The following ADAMTS20 variants were observed in gnomAD, a reference collection of about 807,000 sequenced individuals.
ADAMTS20 encodes the protein A disintegrin and metalloproteinase with thrombospondin motifs 20.
ADAMTS20 carries 225 observed loss-of-function variants against 260.1 expected under a neutral mutation model. That is an observed-to-expected ratio of 0.87 (90% CI 0.78 to 0.97). The LOEUF is 0.97. Among genes scored for constraint, ADAMTS20 ranks in the 50% least tolerant of loss-of-function variants. The probability of loss-of-function intolerance (pLI) is 0.00; values close to 1 mark genes in which losing one functional copy is unlikely to be tolerated. For synonymous variants in ADAMTS20, 802 were observed against 769.5 expected, an observed-to-expected ratio of 1.04 and a Z score of -0.70; for missense variants, 2,400 against 2,337.7, an observed-to-expected ratio of 1.03 and a Z score of -0.55.
At chr12:43,507,821 C>T (rs7294708) in intron 3 of ADAMTS20, among the ~76,000 whole-genome samples, 3,612 of 152,154 alleles carry the variant, frequency 0.024, 66 homozygotes, top group East Asian at 0.08. Flanking sequence ...TAAAAAGGAA[C>T]GAGGTATCTT....
chr12:43,434,933 T>A (rs148696283), intron 18 of ADAMTS20, among the ~76,000 whole-genome samples: 1 of 152,046 alleles, frequency 6.6e-6, no homozygotes, highest in African/African-American at 2.4e-5. Flanking sequence ...ATTTCCCAGA[T>A]ACAGCTGATC....
At chr12:43,389,692 TTTTTTG>T (rs967607133) in intron 29 of ADAMTS20, among the ~76,000 whole-genome samples, 9 of 151,694 alleles carry the variant, frequency 5.9e-5, no homozygotes, top group African/African-American at 1.5e-4. Flanking sequence ...CAGCCAGGTT[TTTTTTG>T]TTTTTGTTTT....
At chr12:43,490,254 TAA>T (rs754662880) in intron 7 of ADAMTS20, 139 bp downstream of exon 7, 8 of 476,014 alleles carry the variant, frequency 1.7e-5, no homozygotes, top group Admixed American at 4.7e-5. Context: ...CAGAATGAAA[TAA>T]GTGACAAGTG....
intron 4 of ADAMTS20, among the ~76,000 whole-genome samples, chr12:43,494,259 G>A (rs1339399826): frequency 6.6e-6 from 1 of 152,158 alleles, no homozygotes; most frequent in Non-Finnish European, 1.5e-5. Context: ...TCTACTCATT[G>A]CTTTGTTGGC....
intron 19 of ADAMTS20, among the ~76,000 whole-genome samples, chr12:43,433,596 T>C (rs1279560686): frequency 6.6e-6 from 1 of 152,046 alleles, no homozygotes; most frequent in Non-Finnish European, 1.5e-5. Flanking sequence ...GAATGTTAAA[T>C]GGCACCTGCT....
rs7303394 is a variant in ADAMTS20, at chr12:43,374,820, T to C, written c.5446+559A>G. Reference sequence around the variant, plus strand: ...CTTAATGTACCTGAGGATTTTAAGGTAGAGGGTTTTATCTTGGAAGGGCAG... The same window carrying C: ...CTTAATGTACCTGAGGATTTTAAGGCAGAGGGTTTTATCTTGGAAGGGCAG... On this transcript the variant is annotated intron_variant, in intron 36 of 38. Coordinates refer to ENST00000389420, the MANE Select transcript of ADAMTS20 (RefSeq NM_025003.5). Among the ~76,000 whole-genome samples, 434 of 152,208 alleles carry C rather than the reference T, an allele frequency of 2.9e-3. 4 individuals are homozygous for C. The highest frequency in any genetic ancestry group is 0.01 in the African/African-American group (423 of 41,540).
In ADAMTS20 at chr12:43,376,130, ACATGTCTG is replaced by A. The variant is rs770689269; in HGVS notation, c.5231_5238del (p.Ala1744ValfsTer6). 1.9e-6 allele frequency: 3 copies of A among 1,604,416 alleles called. No homozygotes were observed. The highest frequency in any genetic ancestry group is 2.6e-6 in the Non-Finnish European group (3 of 1,176,294). On this transcript the variant is annotated frameshift_variant, in exon 35 of 39. Transcript: ENST00000389420. LOFTEE classifies it high-confidence loss of function. ...AAATATTCCTTAGGGTTCTCCAAGTACATGTCTGCACAATAAATCTAAAGAAAAAATGT... is the reference window on the plus strand; with the variant it reads ...AAATATTCCTTAGGGTTCTCCAAGTACACAATAAATCTAAAGAAAAAATGT...
intron 2 of ADAMTS20, among the ~76,000 whole-genome samples, chr12:43,547,112 G>A (rs541771623): frequency 4.5e-4 from 68 of 152,290 alleles, no homozygotes; most frequent in Non-Finnish European, 5.7e-4. Context: ...CATGTTTGGG[G>A]TTAATTCAAA....
At chr12:43,367,710 A>C (rs1482839482) in intron 37 of ADAMTS20, among the ~76,000 whole-genome samples, 1 of 152,062 alleles carries the variant, frequency 6.6e-6, no homozygotes, top group African/African-American at 2.4e-5. Context: ...AAGATAAAGA[A>C]ATTAAAGATA....
intron 31 of ADAMTS20, 71 bp downstream of exon 31, chr12:43,383,487 G>A (rs1940398345): frequency 6.9e-7 from 1 of 1,455,806 alleles, no homozygotes. Flanking sequence ...CCCAGTTTCA[G>A]CTGTGTCAAA....
intron 3 of ADAMTS20, among the ~76,000 whole-genome samples, chr12:43,530,832 T>C (rs1943211027): frequency 6.6e-6 from 1 of 152,110 alleles, no homozygotes; most frequent in Admixed American, 6.6e-5. Context: ...AAATCTATGC[T>C]TCTTAGATTC....
In ADAMTS20 at chr12:43,405,229, C is replaced by CCAAAAAAAAAAAAAAAAAAAA. The variant is rs1410899520; in HGVS notation, c.4285-5997_4285-5996insTTTTTTTTTTTTTTTTTTTTG. Among the ~76,000 whole-genome samples the CCAAAAAAAAAAAAAAAAAAAA allele has an allele frequency of 7.6e-5, 4 of 52,790 alleles. 1 individual carries two copies. The highest frequency in any genetic ancestry group is 1.3e-4 in the Non-Finnish European group (4 of 31,172). 34.6% of individuals were successfully genotyped at this position (52,790 alleles called of 152,430 possible). A position where few individuals can be genotyped will look rare whatever the true frequency, so the allele number is the denominator to read the frequency against. On this transcript the variant is annotated intron_variant, in intron 28 of 38. Coordinates refer to ENST00000389420, the MANE Select transcript of ADAMTS20 (RefSeq NM_025003.5). ...GTAACAAAATGAGACCTCATCTCTACAAAAAAAAAAAAAAAAAAAAAAAAA... is the reference window on the plus strand; with the variant it reads ...GTAACAAAATGAGACCTCATCTCTACCAAAAAAAAAAAAAAAAAAAAAAAAAAAAAAAAAAAAAAAAAAAAA...
intron 7 of ADAMTS20, among the ~76,000 whole-genome samples, chr12:43,477,224 A>G (rs571537624): frequency 6.6e-6 from 1 of 152,252 alleles, no homozygotes; most frequent in South Asian, 2.1e-4. Flanking sequence ...GAAGACCAAC[A>G]ATTTCTATAG....
intron 2 of ADAMTS20, among the ~76,000 whole-genome samples, chr12:43,540,941 T>G (rs963561202): frequency 2.6e-5 from 4 of 152,174 alleles, no homozygotes; most frequent in African/African-American, 9.7e-5. Context: ...TTCTATAAAA[T>G]TGTTTTTCCA....
intron 7 of ADAMTS20, among the ~76,000 whole-genome samples, chr12:43,474,454 A>G (rs1417577853): frequency 1.3e-5 from 2 of 149,828 alleles, no homozygotes; most frequent in African/African-American, 4.9e-5. Flanking sequence ...ATTCCAATCA[A>G]TAGAAAAAGA....
chr12:43,454,108 C>T, intron 11 of ADAMTS20, 56 bp from the exon 12 acceptor site: 1 of 1,558,550 alleles, frequency 6.4e-7, no homozygotes, highest in South Asian at 1.2e-5. Flanking sequence ...TAGAACATCA[C>T]AAAAATTATA....
intron 2 of ADAMTS20, among the ~76,000 whole-genome samples, chr12:43,549,430 C>G (rs918455365): frequency 6.6e-6 from 1 of 151,798 alleles, no homozygotes; most frequent in Non-Finnish European, 1.5e-5. Context: ...ATATATATAC[C>G]TACTATGTAC....
chr12:43,358,644 C>T (rs1191761982), intron 37 of ADAMTS20, among the ~76,000 whole-genome samples: 4 of 151,542 alleles, frequency 2.6e-5, no homozygotes, highest in African/African-American at 9.7e-5. Context: ...CGAGACCATC[C>T]TGGCTAACAC....
chr12:43,508,079 A>G (rs1404656795), intron 3 of ADAMTS20, among the ~76,000 whole-genome samples: 4 of 152,148 alleles, frequency 2.6e-5, no homozygotes, highest in Non-Finnish European at 4.4e-5. Flanking sequence ...TCTGTTCGAC[A>G]AACCCCTGTG....
Sources: gnomAD v4.1 joint callset for allele counts (sites outside exome capture counted in the v4.1 genomes callset) on GRCh38, gnomAD v4.1.1 for gene constraint, MANE v1.5 for transcripts, NCBI Gene and HGNC (gene_info 2026-07-23, HGNC 2026-07-21) for gene names.